The following MYLK4 variants were observed in gnomAD, a reference collection of about 807,000 sequenced individuals.
MYLK4 encodes myosin light chain kinase family member 4, also known as caMLCK like.
MYLK4 carries 46 observed loss-of-function variants against 48.1 expected under a neutral mutation model. The observed-to-expected ratio is 0.96, with a 90% CI of 0.75 to 1.22. MYLK4 has a LOEUF of 1.22. MYLK4 is among the 50% of genes most tolerant of loss of function. The pLI is 0.00. For missense variants in MYLK4, 451 were observed against 486.1 expected (o/e 0.93, Z 0.68); for synonymous variants, 170 against 180.8 (o/e 0.94, Z 0.48).
the MYLK4 span, among the ~76,000 whole-genome samples, chr6:2,768,228 C>T: frequency 6.6e-6 from 1 of 152,208 alleles, no homozygotes; most frequent in African/African-American, 2.4e-5. Context: ...TGCTCCCTCA[C>T]TCTCCTTTTC....
At chr6:2,760,320 C>T in the MYLK4 span, among the ~76,000 whole-genome samples, 2 of 152,202 alleles carry the variant, frequency 1.3e-5, no homozygotes, top group African/African-American at 4.8e-5. Flanking sequence ...GGGTCCCAGA[C>T]ATGGAGCTTC....
intron 7 of MYLK4, 186 bp from the exon 8 acceptor site, chr6:2,680,477 G>T: frequency 3.0e-6 from 3 of 985,364 alleles, no homozygotes; most frequent in Non-Finnish European, 3.6e-6. Context: ...CGGGTATCCT[G>T]CCAACCCTGC....
chr6:2,707,956 C>G (rs1762547251), intron 2 of MYLK4, among the ~76,000 whole-genome samples: 1 of 152,132 alleles, frequency 6.6e-6, no homozygotes, highest in East Asian at 1.9e-4. Context: ...TAAAATATTG[C>G]TCCCATCAAT....
chr6:2,763,532 C>T, the MYLK4 span, among the ~76,000 whole-genome samples: 3 of 152,242 alleles, frequency 2.0e-5, no homozygotes, highest in African/African-American at 4.8e-5. Flanking sequence ...TCCTCACCGT[C>T]CTGGGCCGGT....
At chr6:2,768,990 A>G in the MYLK4 span, 1 of 1,161,926 alleles carries the variant, frequency 8.6e-7, no homozygotes. Context: ...TTTACAAAGA[A>G]GCGTAGGCTT....
intron 11 of MYLK4, 89 bp downstream of exon 11, chr6:2,674,958 C>G (rs1209663096): frequency 1.1e-6 from 1 of 879,198 alleles, no homozygotes; most frequent in Non-Finnish European, 1.9e-6. Context: ...GAGAAAGAAT[C>G]TTATTTAAGG....
chr6:2,716,657 C>T (rs1412336084), intron 2 of MYLK4, among the ~76,000 whole-genome samples: 3 of 152,190 alleles, frequency 2.0e-5, no homozygotes, highest in East Asian at 1.9e-4. Flanking sequence ...CTGATCCACA[C>T]ATTATCAGTT....
At chr6:2,718,648 A>G (rs1249005734) in intron 2 of MYLK4, among the ~76,000 whole-genome samples, 2 of 152,188 alleles carry the variant, frequency 1.3e-5, no homozygotes, top group Non-Finnish European at 2.9e-5. Flanking sequence ...GTGAGGGCCG[A>G]TATCTTTATG....
At chr6:2,765,670 C>T in the MYLK4 span, 3 of 1,553,000 alleles carry the variant, frequency 1.9e-6, no homozygotes, top group East Asian at 5.1e-5. Context: ...CGCAGCTGCA[C>T]CAGGTGCAGT....
At chr6:2,748,413 G>A (rs1011528953) in intron 2 of MYLK4, among the ~76,000 whole-genome samples, 1 of 152,294 alleles carries the variant, frequency 6.6e-6, no homozygotes, top group Non-Finnish European at 1.5e-5. Flanking sequence ...GCTCCCACCG[G>A]GCAAGGAGCC....
chr6:2,709,721 C>T (rs554585036), intron 2 of MYLK4, among the ~76,000 whole-genome samples: 14 of 152,294 alleles, frequency 9.2e-5, no homozygotes, highest in Non-Finnish European at 1.3e-4. Context: ...TGCTAATGTA[C>T]GATCTCTCTA....
intron 2 of MYLK4, among the ~76,000 whole-genome samples, chr6:2,698,885 T>G (rs1762168240): frequency 6.6e-6 from 1 of 152,194 alleles, no homozygotes; most frequent in African/African-American, 2.4e-5. Context: ...TGTTTCATGG[T>G]CTGTGGGGAC....
At chr6:2,763,119 G>A in the MYLK4 span, among the ~76,000 whole-genome samples, 70 of 151,252 alleles carry the variant, frequency 4.6e-4, 1 homozygote, top group Middle Eastern at 3.4e-3. Flanking sequence ...TCTGTTTTAC[G>A]GAGAGCTGAT....
intron 2 of MYLK4, among the ~76,000 whole-genome samples, chr6:2,746,503 T>A (rs565019546): frequency 2.0e-5 from 3 of 152,160 alleles, no homozygotes; most frequent in Non-Finnish European, 4.4e-5. Context: ...TTAACAAATA[T>A]AAGTTGTTAA....
the MYLK4 span, chr6:2,766,317 G>C: frequency 6.2e-7 from 1 of 1,610,472 alleles, no homozygotes; most frequent in Non-Finnish European, 8.5e-7. Context: ...GACACGATGC[G>C]TCCTGACACG....
intron 12 of MYLK4, among the ~76,000 whole-genome samples, chr6:2,671,068 C>T (rs557802898): frequency 3.3e-5 from 5 of 152,218 alleles, no homozygotes; most frequent in African/African-American, 1.2e-4. Flanking sequence ...GTGAGACTCT[C>T]CCCAACCCGT....
chr6:2,726,605 ATTTTTTTTTT>A (rs70995390), intron 2 of MYLK4, among the ~76,000 whole-genome samples: 1 of 118,282 alleles, frequency 8.5e-6, no homozygotes, highest in Non-Finnish European at 1.8e-5. Flanking sequence ...CTACTATACA[ATTTTTTTTTT>A]TTTTTTTTTT....
chr6:2,722,641 C>T (rs557613724), intron 2 of MYLK4, among the ~76,000 whole-genome samples: 6 of 150,866 alleles, frequency 4.0e-5, no homozygotes, highest in African/African-American at 7.3e-5. Context: ...AAAAGAAAAA[C>T]GAACACATGC....
chr6:2,713,343 C>T (rs1004530664), intron 2 of MYLK4, among the ~76,000 whole-genome samples: 6 of 149,406 alleles, frequency 4.0e-5, no homozygotes, highest in Non-Finnish European at 7.4e-5. Flanking sequence ...CATTGGACTC[C>T]AGCCTGGGCA....
Sources: gnomAD v4.1 joint callset for allele counts (sites outside exome capture counted in the v4.1 genomes callset) on GRCh38, gnomAD v4.1.1 for gene constraint, MANE v1.5 for transcripts, NCBI Gene and HGNC (gene_info 2026-07-23, HGNC 2026-07-21) for gene names.